Variants in EPB41 observed in about 807,000 individuals in gnomAD.
EPB41 encodes the protein protein 4.1.
Under a neutral mutation model 108.0 loss-of-function variants are expected in EPB41, and 65 were observed. The ratio of observed to expected loss-of-function variants is 0.60; its 90% CI spans 0.49 to 0.74. The LOEUF (loss-of-function observed/expected upper bound fraction) is 0.74, where lower values mean the gene tolerates loss of function less well. Ranked by LOEUF, EPB41 falls within the 30% of genes least tolerant of loss-of-function variation. The probability of loss-of-function intolerance (pLI) is 0.00; values close to 1 mark genes in which losing one functional copy is unlikely to be tolerated. For missense variants in EPB41, 875 were observed against 1,037.0 expected (o/e 0.84, Z 2.15); for synonymous variants, 336 against 358.9 (o/e 0.94, Z 0.72).
At position 28,943,738 on chromosome 1, in the gene EPB41, A is replaced by G. The variant is rs372277934; in HGVS notation, c.-8+28970A>G. Among the ~76,000 whole-genome samples the G allele has an allele frequency of 6.6e-5, 10 of 152,294 alleles. No homozygotes were observed. In the East Asian group the frequency reaches 1.3e-3, roughly 21 times the overall value. On this transcript the variant is annotated intron_variant, in intron 1 of 20. Coordinates refer to ENST00000343067, the MANE Select transcript of EPB41 (RefSeq NM_001376013.1). ...ACAAATGCTGGCAAGGATGTGGACAAAAGGGAACCCTTGTACACTGTTGGT... is the reference window on the plus strand; with the variant it reads ...ACAAATGCTGGCAAGGATGTGGACAGAAGGGAACCCTTGTACACTGTTGGT...
At position 28,887,329 on chromosome 1, in the gene EPB41, G is replaced by C. The variant is rs1419061186; in HGVS notation, c.-8+119G>C. The stretch of plus-strand genomic sequence containing the variant: ...GGGAGAGGCGAGACCAGGGTCGAAG[G>C]GTCCAGGGCTGAGGGGTCCAGCGGT... On this transcript the variant is annotated intron_variant, in intron 1 of 16. Coordinates refer to the EPB41 transcript ENST00000347529. The surrounding 1 kb of genome is among the most constrained non-coding windows in gnomAD (Gnocchi z 4.9). 1.7e-6 allele frequency: 2 copies of C among 1,179,688 alleles called. No homozygotes were observed. The highest frequency in any genetic ancestry group is 6.5e-5 in the East Asian group (1 of 15,414). The allele number at this position is 1,179,688 out of a possible 1,614,324, so 73.1% of individuals were successfully genotyped here. A position where few individuals can be genotyped will look rare whatever the true frequency, so the allele number is the denominator to read the frequency against.
At chr1:28,967,821 T>C (rs1222234040) in intron 1 of EPB41, among the ~76,000 whole-genome samples, 1 of 149,894 alleles carries the variant, frequency 6.7e-6, no homozygotes, top group African/African-American at 2.5e-5. Flanking sequence ...TTTTTTTTTT[T>C]TTTTTTTGAG....
intron 1 of EPB41, among the ~76,000 whole-genome samples, chr1:28,918,685 A>G (rs1453305092): frequency 6.6e-6 from 1 of 152,324 alleles, no homozygotes; most frequent in Non-Finnish European, 1.5e-5. Context: ...GCCGAGGCCC[A>G]CGGATCACTT....
intron 1 of EPB41, among the ~76,000 whole-genome samples, chr1:28,964,536 G>A (rs1026572643): frequency 7.2e-5 from 11 of 152,144 alleles, no homozygotes; most frequent in African/African-American, 2.7e-4. Flanking sequence ...AGGAGGCGGA[G>A]GTTGCAGTGA....
chr1:28,945,286 A>G (rs1017976148), intron 1 of EPB41, among the ~76,000 whole-genome samples: 1 of 152,112 alleles, frequency 6.6e-6, no homozygotes, highest in African/African-American at 2.4e-5. Context: ...TACAGATAAT[A>G]TGTGTTCCTG....
chr1:28,932,673 C>A (rs887973795), intron 1 of EPB41, among the ~76,000 whole-genome samples: 2 of 152,106 alleles, frequency 1.3e-5, no homozygotes, highest in Admixed American at 6.5e-5. Context: ...TACATTTTCT[C>A]TTCCATGTCA....
At chr1:28,909,030 G>A (rs1233250555) in intron 1 of EPB41, among the ~76,000 whole-genome samples, 1 of 151,222 alleles carries the variant, frequency 6.6e-6, no homozygotes, top group Non-Finnish European at 1.5e-5. Context: ...GTGGTGGCGG[G>A]CACCTGTAAT....
At position 29,060,404 on chromosome 1, in the gene EPB41, C is replaced by A; in HGVS notation, c.1945-18C>A. The A allele has an allele frequency of 6.2e-7, 1 of 1,609,894 alleles. No individual in the cohort carries two copies. Among genetic ancestry groups the A allele is most frequent in the Non-Finnish European group, 8.5e-7 (1 of 1,176,536 alleles). ...AATTTTTTATGCTTTTCTGTTTTCCCCCCTTTCATTTTCACAGAAAAAGAG... is the reference window on the plus strand; with the variant it reads ...AATTTTTTATGCTTTTCTGTTTTCCACCCTTTCATTTTCACAGAAAAAGAG... On this transcript the variant is annotated intron_variant, in intron 14 of 20. Coordinates refer to ENST00000343067, the MANE Select transcript of EPB41 (RefSeq NM_001376013.1).
chr1:29,089,562 A>G (rs1408900975), intron 16 of EPB41, among the ~76,000 whole-genome samples: 1 of 152,234 alleles, frequency 6.6e-6, no homozygotes, highest in Non-Finnish European at 1.5e-5. Flanking sequence ...AACATACTTC[A>G]GGCAGCCAAG....
At chr1:29,042,502 A>G (rs1641895439) in intron 11 of EPB41, among the ~76,000 whole-genome samples, 1 of 152,044 alleles carries the variant, frequency 6.6e-6, no homozygotes, top group South Asian at 2.1e-4. Context: ...TTTTTGAGAC[A>G]GAGCCTCACT....
chr1:28,949,073 C>T (rs926790348), intron 1 of EPB41, among the ~76,000 whole-genome samples: 1 of 152,212 alleles, frequency 6.6e-6, no homozygotes, highest in Non-Finnish European at 1.5e-5. Context: ...TACCAGTGCT[C>T]TCTTCCCCCA....
chr1:29,095,417 A>T (rs1662846224), intron 16 of EPB41, among the ~76,000 whole-genome samples: 1 of 152,210 alleles, frequency 6.6e-6, no homozygotes, highest in African/African-American at 2.4e-5. Flanking sequence ...TCTAGATTTT[A>T]GCTTCTCCAT....
At chr1:28,921,389 C>CATACAGA (rs2093056798) in intron 1 of EPB41, among the ~76,000 whole-genome samples, 1 of 152,066 alleles carries the variant, frequency 6.6e-6, no homozygotes, top group Admixed American at 6.6e-5. Flanking sequence ...TAATACATTT[C>CATACAGA]ATACAGATTG....
In EPB41 at chr1:29,025,390, C is replaced by T. The variant is rs183791336; in HGVS notation, c.1125-5010C>T. ...CTTTTTAATGAGCTTTAACCAGTGCCGGAGCTTCCTGGTCAGGTACTTTTG... is the reference window on the plus strand; with the variant it reads ...CTTTTTAATGAGCTTTAACCAGTGCTGGAGCTTCCTGGTCAGGTACTTTTG... On this transcript the variant is annotated intron_variant, in intron 7 of 20. Transcript: ENST00000343067. 3.5e-4 allele frequency among the ~76,000 whole-genome samples: 53 copies of T among 151,908 alleles called. 3 individuals carry two copies. The highest frequency in any genetic ancestry group is 1.1e-3 in the African/African-American group (45 of 41,282).
At chr1:28,950,607 AG>A (rs2094680091) in intron 1 of EPB41, among the ~76,000 whole-genome samples, 1 of 152,248 alleles carries the variant, frequency 6.6e-6, no homozygotes, top group Non-Finnish European at 1.5e-5. Flanking sequence ...AGAAGGCCAA[AG>A]GGCCTCCCCT....
intron 17 of EPB41, among the ~76,000 whole-genome samples, chr1:29,108,280 C>T (rs868077571): frequency 6.6e-5 from 10 of 151,316 alleles, no homozygotes; most frequent in Middle Eastern, 3.4e-3. Flanking sequence ...TCCCGAGTAG[C>T]TGGGACTGCA....
intron 4 of EPB41, among the ~76,000 whole-genome samples, chr1:29,000,720 T>C (rs951999890): frequency 3.3e-5 from 5 of 152,312 alleles, no homozygotes; most frequent in Admixed American, 2.0e-4. Context: ...CAGGTTCTTA[T>C]AGGACATCCA....
rs181515922 is a variant in EPB41, at chr1:29,023,119, C to T, written c.1124+4677C>T. Among the ~76,000 whole-genome samples the T allele has an allele frequency of 3.4e-3, 515 of 151,666 alleles. 16 individuals carry two copies. The highest frequency in any genetic ancestry group is 0.012 in the African/African-American group (484 of 41,194). On this transcript the variant is annotated intron_variant, in intron 7 of 20. Coordinates refer to ENST00000343067, the MANE Select transcript of EPB41 (RefSeq NM_001376013.1). ...AAGTGATTCTCGTGCCTCAGCCTCC[C>T]GAGTAGCTAGGATTACAAGTGCCTG... is the stretch of plus-strand genomic sequence containing the variant.
intron 17 of EPB41, among the ~76,000 whole-genome samples, chr1:29,104,787 G>A (rs1666590909): frequency 1.3e-5 from 2 of 151,930 alleles, no homozygotes; most frequent in East Asian, 1.9e-4. Flanking sequence ...ACAGGGCTTC[G>A]CCATGTTGGT....
Sources: allele counts gnomAD v4.1 joint callset (sites outside exome capture counted in the v4.1 genomes callset), GRCh38; gene constraint gnomAD v4.1.1; non-coding constraint Gnocchi (gnomAD v3.1); transcripts MANE v1.5; gene names NCBI Gene and HGNC (gene_info 2026-07-23, HGNC 2026-07-21).